Variants in FSTL5 observed in about 807,000 individuals in gnomAD.
FSTL5 encodes follistatin like 5.
A neutral mutation model predicts 89.1 loss-of-function variants in FSTL5; 62 were observed. The observed-to-expected ratio is 0.70, with a 90% confidence interval of 0.57 to 0.86. The LOEUF (loss-of-function observed/expected upper bound fraction) is 0.86. Among genes scored for constraint, FSTL5 ranks in the 40% least tolerant of loss-of-function variants. The pLI is 0.00. For synonymous variants in FSTL5, 383 were observed against 346.2 expected, an observed-to-expected ratio of 1.11 and a Z score of -1.18; for missense variants, 1,057 against 1,001.6, an observed-to-expected ratio of 1.06 and a Z score of -0.75.
chr4:161,649,576 A>G (rs1442452506), intron 7 of FSTL5, among the ~76,000 whole-genome samples: 2 of 152,248 alleles, frequency 1.3e-5, no homozygotes, highest in Non-Finnish European at 2.9e-5. Context: ...ATAATATCTA[A>G]TCAATTCAGA....
In FSTL5 at chr4:162,113,243, C is replaced by G. The variant is rs576828629; in HGVS notation, c.-16-1831G>C. On this transcript the variant is annotated intron_variant, in intron 1 of 15. Coordinates refer to ENST00000306100, the MANE Select transcript of FSTL5 (RefSeq NM_020116.5). The stretch of plus-strand genomic sequence containing the variant: ...CACACTTTTCCAGATTTTCATTCAT[C>G]TGTGTACTTAAACCAGAAACCAAGG... 5.9e-5 allele frequency among the ~76,000 whole-genome samples: 9 copies of G among 152,278 alleles called. No individual in the cohort carries two copies. In the South Asian group the frequency reaches 1.9e-3, roughly 32 times the overall value.
chr4:161,783,749 T>C (rs1376316168), intron 4 of FSTL5, among the ~76,000 whole-genome samples: 10 of 116,226 alleles, frequency 8.6e-5, no homozygotes, highest in Non-Finnish European at 1.6e-4. Context: ...TCTTTCTTTC[T>C]TTCTTTCTTT....
chr4:161,391,675 T>C (rs1020627913), intron 15 of FSTL5, among the ~76,000 whole-genome samples: 1 of 152,148 alleles, frequency 6.6e-6, no homozygotes, highest in African/African-American at 2.4e-5. Context: ...ATCACATAAA[T>C]AGTTCAGTAA....
chr4:162,159,939 T>C (rs1733630079), intron 1 of FSTL5, among the ~76,000 whole-genome samples: 1 of 151,848 alleles, frequency 6.6e-6, no homozygotes, highest in African/African-American at 2.4e-5. Flanking sequence ...AAATAAAAAA[T>C]AACAGTAATT....
At chr4:161,950,936 A>T (rs547697979) in intron 3 of FSTL5, among the ~76,000 whole-genome samples, 1 of 152,074 alleles carries the variant, frequency 6.6e-6, no homozygotes, top group South Asian at 2.1e-4. Context: ...ACTACTTGAT[A>T]TGGTTTGGCT....
At chr4:161,579,629 A>G (rs532761475) in intron 8 of FSTL5, among the ~76,000 whole-genome samples, 11 of 151,888 alleles carry the variant, frequency 7.2e-5, no homozygotes, top group Admixed American at 5.9e-4. Flanking sequence ...AAACAGGAGA[A>G]TTGCTTGAAC....
chr4:161,553,493 A>G (rs2126560529), intron 8 of FSTL5, among the ~76,000 whole-genome samples: 1 of 151,540 alleles, frequency 6.6e-6, no homozygotes, highest in Middle Eastern at 3.4e-3. Flanking sequence ...ACTCCTGAGC[A>G]TAATACATTG....
intron 6 of FSTL5, among the ~76,000 whole-genome samples, chr4:161,670,905 T>C (rs1737077630): frequency 6.6e-6 from 1 of 152,170 alleles, no homozygotes; most frequent in South Asian, 2.1e-4. Flanking sequence ...GAATATCAAT[T>C]TATTCATTTA....
chr4:161,647,383 T>C (rs1736188522), intron 7 of FSTL5, among the ~76,000 whole-genome samples: 1 of 152,214 alleles, frequency 6.6e-6, no homozygotes, highest in Admixed American at 6.5e-5. Context: ...CTGTTTTAAT[T>C]ACTGTAGCTT....
intron 6 of FSTL5, among the ~76,000 whole-genome samples, chr4:161,750,407 A>T (rs1410662460): frequency 6.6e-6 from 1 of 152,162 alleles, no homozygotes; most frequent in African/African-American, 2.4e-5. Context: ...AGAATGAATA[A>T]TATACACTTA....
chr4:162,140,332 A>G (rs183806055), intron 1 of FSTL5, among the ~76,000 whole-genome samples: 63 of 147,176 alleles, frequency 4.3e-4, no homozygotes, highest in Middle Eastern at 3.5e-3. Flanking sequence ...TTATAGTAAC[A>G]TTGTTTTTAA....
intron 2 of FSTL5, among the ~76,000 whole-genome samples, chr4:162,102,951 C>T (rs1022052654): frequency 1.1e-4 from 17 of 151,722 alleles, no homozygotes; most frequent in Non-Finnish European, 2.4e-4. Flanking sequence ...GAAAGCAGCT[C>T]TATTTTGTCA....
chr4:161,487,158 T>C (rs1391852081), intron 12 of FSTL5, among the ~76,000 whole-genome samples: 5 of 152,236 alleles, frequency 3.3e-5, no homozygotes, highest in Admixed American at 1.3e-4. Flanking sequence ...TAGCCTTTGC[T>C]ATTCCAGTAT....
intron 4 of FSTL5, among the ~76,000 whole-genome samples, chr4:161,814,005 T>C (rs1730248058): frequency 6.6e-6 from 1 of 150,514 alleles, no homozygotes; most frequent in Non-Finnish European, 1.5e-5. Context: ...ATGAAAAAAA[T>C]CAGTAAGTGA....
At chr4:161,538,536 G>C (rs1001952994) in intron 9 of FSTL5, among the ~76,000 whole-genome samples, 1 of 151,970 alleles carries the variant, frequency 6.6e-6, no homozygotes, top group African/African-American at 2.4e-5. Flanking sequence ...TTTATGTTTT[G>C]TATCATTTTC....
At chr4:161,799,168 A>T (rs1033160893) in intron 4 of FSTL5, among the ~76,000 whole-genome samples, 1 of 151,638 alleles carries the variant, frequency 6.6e-6, no homozygotes, top group Non-Finnish European at 1.5e-5. Context: ...GTGATATCAA[A>T]ACCTGGTTCG....
chr4:161,408,540 C>T (rs1220575103), intron 15 of FSTL5, among the ~76,000 whole-genome samples: 1 of 152,170 alleles, frequency 6.6e-6, no homozygotes, highest in African/African-American at 2.4e-5. Flanking sequence ...CCCAAATGAG[C>T]TCACTAGCTC....
intron 7 of FSTL5, among the ~76,000 whole-genome samples, chr4:161,618,945 T>C (rs1187997483): frequency 2.6e-5 from 4 of 152,250 alleles, no homozygotes; most frequent in East Asian, 3.9e-4. Context: ...AACTATACTA[T>C]AAGGCTACAG....
chr4:162,046,135 G>C (rs1253303580), intron 2 of FSTL5, among the ~76,000 whole-genome samples: 1 of 152,058 alleles, frequency 6.6e-6, no homozygotes, highest in Admixed American at 6.6e-5. Context: ...TTGGAACACG[G>C]GTTTTTTTAT....
Sources: allele counts gnomAD v4.1 joint callset (sites outside exome capture counted in the v4.1 genomes callset), GRCh38; gene constraint gnomAD v4.1.1; transcripts MANE v1.5; gene names NCBI Gene and HGNC (gene_info 2026-07-23, HGNC 2026-07-21).